The following PKP2 variants were observed in gnomAD, a reference collection of about 807,000 sequenced individuals.
PKP2 encodes the protein plakophilin 2.
Under a neutral mutation model 83.4 loss-of-function variants are expected in PKP2, and 73 were observed. The ratio of observed to expected loss-of-function variants is 0.88; its 90% CI spans 0.72 to 1.06. The LOEUF (loss-of-function observed/expected upper bound fraction) is 1.06. Among genes scored for constraint, PKP2 ranks in the 50% least tolerant of loss-of-function variants. The pLI is 0.00. For synonymous variants in PKP2, 409 were observed against 430.4 expected (o/e 0.95, Z 0.62); for missense variants, 966 against 1,065.4 (o/e 0.91, Z 1.30).
At chr12:32,794,084 C>T (rs1348261423) in intron 11 of PKP2, among the ~76,000 whole-genome samples, 2 of 152,054 alleles carry the variant, frequency 1.3e-5, no homozygotes, top group African/African-American at 2.4e-5. Context: ...CAAAGATGTA[C>T]GGAGAAGAGC....
At chr12:32,851,428 T>C (rs531526751) in intron 4 of PKP2, among the ~76,000 whole-genome samples, 1 of 152,258 alleles carries the variant, frequency 6.6e-6, no homozygotes, top group African/African-American at 2.4e-5. Flanking sequence ...GAAATAAAAA[T>C]GCATTTACCA....
Position 32,878,955 on chromosome 12 carries a change from G to A in PKP2, c.301C>T (p.Arg101Cys), listed in dbSNP as rs796827562. ...TCATAGGTTTTAGGAACAGGGGAAC[G>A]GCCTCCAACAAAATCATTTTCAACC... ...HLVENDFVGG[R>C]SPVPKTYDML... The change falls in exon 2 of 13, where the codon CGT becomes TGT. Residue 101 changes from arginine (R) to cysteine (C), a missense_variant. Transcript: ENST00000340811. 5.0e-6 allele frequency: 8 copies of A among 1,601,530 alleles called. No individual in the cohort carries two copies. Among genetic ancestry groups the A allele is most frequent in the South Asian group, 2.2e-5 (2 of 90,788 alleles).
intron 5 of PKP2, among the ~76,000 whole-genome samples, chr12:32,841,775 C>A (rs1205679763): frequency 6.6e-6 from 1 of 152,200 alleles, no homozygotes; most frequent in Non-Finnish European, 1.5e-5. Flanking sequence ...ATCAACATCA[C>A]CAATTAATGT....
At chr12:32,818,605 G>C (rs1240947714) in intron 9 of PKP2, among the ~76,000 whole-genome samples, 1 of 152,052 alleles carries the variant, frequency 6.6e-6, no homozygotes, top group Non-Finnish European at 1.5e-5. Context: ...TTTGCTACTA[G>C]AGTGACCATT....
At chr12:32,877,768 T>G in intron 3 of PKP2, 78 bp downstream of exon 3, 1 of 1,050,034 alleles carries the variant, frequency 9.5e-7, no homozygotes. Context: ...GCCCCAGAAG[T>G]GCCAGCTCAT....
In PKP2 at chr12:32,841,139, G is replaced by A. The variant is rs146882581; in HGVS notation, c.1445C>T (p.Thr482Met). Reference sequence around the variant, plus strand: ...GGGGATGATGATATTCTCCGTCAGCGTAAGCAATGCTTCTGTTATCATGAG... The same window carrying A: ...GGGGATGATGATATTCTCCGTCAGCATAAGCAATGCTTCTGTTATCATGAG... ...KNLMITEALLTLTENIIIPFS... is the reference protein window; with the variant it reads ...KNLMITEALLMLTENIIIPFS... Residue 482 changes from threonine to methionine, a missense_variant, in exon 6 of 13, where the codon ACG becomes ATG. Transcript: ENST00000340811. The A allele has an allele frequency of 2.7e-3, 4,434 of 1,612,778 alleles. 10 individuals carry two copies. Among genetic ancestry groups the A allele is most frequent in the Admixed American group, 6.8e-3 (411 of 60,014 alleles).
chr12:32,863,693 C>T (rs1024043857), intron 4 of PKP2, among the ~76,000 whole-genome samples: 2 of 152,164 alleles, frequency 1.3e-5, no homozygotes, highest in Non-Finnish European at 2.9e-5. Context: ...AACCTTCTCA[C>T]ACATAAAAAT....
At position 32,796,124 on chromosome 12, in the gene PKP2, A is replaced by G; in HGVS notation, c.2342T>C (p.Ile781Thr). 1 of 1,613,948 alleles carries G rather than the reference A, an allele frequency of 6.2e-7. No homozygotes were observed. ...AAGGACTTACGCATCGCCTGCACTA[A>G]TGGCCATAATTTTCTGGATGCCCCC... ...NTGGIQKIMA[I>T]SAGDAYASNK... Residue 781 changes from isoleucine to threonine, a missense_variant, in exon 11 of 13, where the codon ATT becomes ACT. By Grantham distance (89) the Ile-to-Thr change is moderately conservative (BLOSUM62 -1). Coordinates refer to ENST00000340811, the MANE Select transcript of PKP2 (RefSeq NM_001005242.3).
chr12:32,883,529 T>C (rs926249718), intron 1 of PKP2, among the ~76,000 whole-genome samples: 6 of 152,178 alleles, frequency 3.9e-5, no homozygotes, highest in African/African-American at 1.4e-4. Context: ...TTTCTGAAAA[T>C]AGAAGAAAGC....
At chr12:32,850,621 G>T (rs1416294197) in intron 5 of PKP2, 145 bp downstream of exon 5, 1 of 718,006 alleles carries the variant, frequency 1.4e-6, no homozygotes, top group Non-Finnish European at 2.5e-6. Context: ...AAGCCAGCAG[G>T]TAACAATGTT....
intron 1 of PKP2, chr12:32,893,887 T>C (rs1957096817): frequency 6.6e-6 from 1 of 152,094 alleles, no homozygotes; most frequent in South Asian, 2.1e-4. Context: ...CTTTTCAAAA[T>C]TTCCTGCCAC....
chr12:32,853,759 C>A (rs140818485), intron 4 of PKP2, among the ~76,000 whole-genome samples: 1 of 152,084 alleles, frequency 6.6e-6, no homozygotes, highest in Non-Finnish European at 1.5e-5. Flanking sequence ...GATCTGCCGG[C>A]CTCAGGCTCC....
At chr12:32,798,823 A>G (rs1266470549) in intron 10 of PKP2, among the ~76,000 whole-genome samples, 1 of 152,240 alleles carries the variant, frequency 6.6e-6, no homozygotes, top group Non-Finnish European at 1.5e-5. Flanking sequence ...CTAGAAGATA[A>G]CACTGGAAAA....
intron 6 of PKP2, among the ~76,000 whole-genome samples, chr12:32,826,079 C>A (rs984294786): frequency 2.6e-5 from 4 of 151,940 alleles, no homozygotes; most frequent in African/African-American, 9.7e-5. Flanking sequence ...CCGAGGCAGG[C>A]GGATCATGAG....
At chr12:32,804,915 C>T (rs1956214656) in intron 9 of PKP2, among the ~76,000 whole-genome samples, 1 of 152,244 alleles carries the variant, frequency 6.6e-6, no homozygotes, top group Non-Finnish European at 1.5e-5. Flanking sequence ...TGCACTCCCA[C>T]CAATGGTGGA....
chr12:32,874,911 GTTTATC>G (rs1956920186), intron 3 of PKP2, among the ~76,000 whole-genome samples: 1 of 151,912 alleles, frequency 6.6e-6, no homozygotes, highest in African/African-American at 2.4e-5. Context: ...AGGCTAAGTT[GTTTATC>G]TTTAATAGAA....
chr12:32,819,392 T>G (rs1956354799), intron 9 of PKP2, among the ~76,000 whole-genome samples: 1 of 152,176 alleles, frequency 6.6e-6, no homozygotes, highest in Non-Finnish European at 1.5e-5. Flanking sequence ...TTTTCTCTTA[T>G]AAATCTCCAA....
chr12:32,889,294 T>G (rs762052292), intron 1 of PKP2, among the ~76,000 whole-genome samples: 1 of 152,204 alleles, frequency 6.6e-6, no homozygotes, highest in Non-Finnish European at 1.5e-5. Context: ...TGGAATGCTG[T>G]GTTCAATAAT....
intron 4 of PKP2, among the ~76,000 whole-genome samples, chr12:32,866,930 C>A (rs1956854851): frequency 6.6e-6 from 1 of 152,156 alleles, no homozygotes; most frequent in African/African-American, 2.4e-5. Context: ...ATGGGTGAAT[C>A]TCAAAAGACT....
Sources: gnomAD v4.1 joint callset for allele counts (sites outside exome capture counted in the v4.1 genomes callset) on GRCh38, gnomAD v4.1.1 for gene constraint, MANE v1.5 for transcripts, NCBI Gene and HGNC (gene_info 2026-07-23, HGNC 2026-07-21) for gene names.